Variants in ZNF182 observed in about 807,000 individuals in gnomAD.
ZNF182 encodes the protein zinc finger protein 21 (KOX 14).
A neutral mutation model predicts 28.1 loss-of-function variants in ZNF182; 10 were observed. The observed-to-expected ratio is 0.36, with a 90% CI of 0.22 to 0.60. The LOEUF (loss-of-function observed/expected upper bound fraction) is 0.60, where lower values mean the gene tolerates loss of function less well. Among genes scored for constraint, ZNF182 ranks in the 20% least tolerant of loss-of-function variants. ZNF182 has a pLI of 0.75. For missense variants in ZNF182, 352 were observed against 453.2 expected, an observed-to-expected ratio of 0.78 and a Z score of 2.03; for synonymous variants, 156 against 158.7, an observed-to-expected ratio of 0.98 and a Z score of 0.13.
rs148876115 is a variant in ZNF182 at position 47,987,357 on chromosome X, T to C, written c.16-3946A>G. Reference sequence around the variant, plus strand: ...AGGCTAAAAGTAAAGGGATAGGCAATGGTCGACCAGACAAATAAATGGAAA... The same window carrying C: ...AGGCTAAAAGTAAAGGGATAGGCAACGGTCGACCAGACAAATAAATGGAAA... On this transcript the variant is annotated intron_variant, in intron 3 of 5. Coordinates refer to ENST00000376943, the MANE Select transcript of ZNF182 (RefSeq NM_001007088.2). Among the ~76,000 whole-genome samples the C allele has an allele frequency of 4.9e-3, 553 of 112,107 alleles. 2 individuals carry two copies. The highest frequency in any genetic ancestry group is 0.023 in the Middle Eastern group (5 of 218).
chrX:48,000,008 T>C (rs926955202), intron 3 of ZNF182, among the ~76,000 whole-genome samples: 2 of 109,864 alleles, frequency 1.8e-5, no homozygotes, highest in Non-Finnish European at 3.8e-5. Flanking sequence ...TGGTGGCACA[T>C]GCCTGTAGTC....
intron 5 of ZNF182, among the ~76,000 whole-genome samples, chrX:47,978,477 C>T (rs1556898661): frequency 8.9e-6 from 1 of 112,279 alleles, no homozygotes; most frequent in Non-Finnish European, 1.9e-5. Context: ...ACACTGAATC[C>T]ACATTCTCAA....
At chrX:47,985,871 C>A (rs782749172) in intron 3 of ZNF182, among the ~76,000 whole-genome samples, 1 of 111,512 alleles carries the variant, frequency 9.0e-6, no homozygotes, top group African/African-American at 3.3e-5. Flanking sequence ...AAGACTGCCA[C>A]CTGGCTACTT....
chrX:48,000,018 C>T (rs1308107571), intron 3 of ZNF182, among the ~76,000 whole-genome samples: 2 of 109,848 alleles, frequency 1.8e-5, no homozygotes, highest in Non-Finnish European at 3.8e-5. Flanking sequence ...TGCCTGTAGT[C>T]CCAGCTACTC....
chrX:47,989,533 T>C (rs1016255970), intron 3 of ZNF182, among the ~76,000 whole-genome samples: 4 of 108,533 alleles, frequency 3.7e-5, no homozygotes, highest in African/African-American at 1.4e-4. Context: ...AATCAAACCA[T>C]GAGGAATCTA....
At position 47,976,348 on chromosome X, in the gene ZNF182, C is replaced by G; in HGVS notation, c.1682G>C (p.Arg561Pro). The G allele has an allele frequency of 8.3e-7, 1 of 1,207,090 alleles. No homozygotes were observed. Among genetic ancestry groups the G allele is most frequent in the Non-Finnish European group, 1.1e-6 (1 of 893,702 alleles). Residue 561 changes from arginine to proline, a missense_variant, in exon 6 of 6, where the codon CGA (arginine) becomes CCA (proline). Arg to Pro is a moderately radical substitution (Grantham distance 103). Transcript: ENST00000376943. ...ATGTACAGTGAATGTTGACTTTTCT[C>G]GGAAGGCTTTGCCACACTCAGTGCA... Reference protein sequence around the residue: ...YACTECGKAFREKSTFTVHQR... With the variant: ...YACTECGKAFPEKSTFTVHQR...
intron 3 of ZNF182, among the ~76,000 whole-genome samples, chrX:47,986,070 A>G (rs73632372): frequency 0.01 from 1,143 of 112,145 alleles, 12 homozygotes; most frequent in African/African-American, 0.035. Flanking sequence ...ATTAAAGTCA[A>G]TGGGAAACTA....
At chrX:47,982,634 A>T (rs1295559350) in intron 5 of ZNF182, among the ~76,000 whole-genome samples, 2 of 111,734 alleles carry the variant, frequency 1.8e-5, no homozygotes, top group Non-Finnish European at 3.8e-5. Flanking sequence ...GCTTTATATA[A>T]GTCGGTGACA....
intron 3 of ZNF182, among the ~76,000 whole-genome samples, chrX:47,990,725 T>C (rs782478913): frequency 8.9e-6 from 1 of 112,107 alleles, no homozygotes; most frequent in East Asian, 2.8e-4. Flanking sequence ...AAAACACTGA[T>C]AATATATGCT....
chrX:47,987,721 T>C (rs2058927724), intron 3 of ZNF182, among the ~76,000 whole-genome samples: 1 of 112,007 alleles, frequency 8.9e-6, no homozygotes, highest in Non-Finnish European at 1.9e-5. Flanking sequence ...GATATATATG[T>C]ACATACACAC....
At chrX:47,998,934 G>C (rs1362307549) in intron 3 of ZNF182, among the ~76,000 whole-genome samples, 1 of 111,363 alleles carries the variant, frequency 9.0e-6, no homozygotes, top group Non-Finnish European at 1.9e-5. Flanking sequence ...TCTGAAATTA[G>C]GATGTCAAGG....
Position 47,976,163 on chromosome X carries a change from CTCT to C in ZNF182, c.*1_*3del. On this transcript the variant is annotated 3_prime_UTR_variant, in exon 6 of 6. Coordinates refer to ENST00000376943, the MANE Select transcript of ZNF182 (RefSeq NM_001007088.2). ...GTCCATAATAGATACTGCTGATTAG[CTCT>C]CTAATGTGCCATGAACTTTGACTTC... 8.8e-7 allele frequency: 1 copy of C among 1,140,648 alleles called. No individual in the cohort carries two copies. Among genetic ancestry groups the C allele is most frequent in the Non-Finnish European group, 1.2e-6 (1 of 863,460 alleles). 94.0% of individuals were successfully genotyped at this position (1,140,648 alleles called of 1,213,427 possible).
At chrX:48,003,786 T>A (rs782255180) in intron 1 of ZNF182, 84 bp from the exon 2 acceptor site, 2 of 110,958 alleles carry the variant, frequency 1.8e-5, no homozygotes, top group African/African-American at 6.6e-5. Flanking sequence ...AGTGAGCCCC[T>A]AGAACCTCGT....
At chrX:47,995,882 G>A (rs1556901023) in intron 3 of ZNF182, among the ~76,000 whole-genome samples, 1 of 112,560 alleles carries the variant, frequency 8.9e-6, no homozygotes, top group East Asian at 2.8e-4. Context: ...GAAAACAACA[G>A]TCCACTGAAA....
intron 3 of ZNF182, among the ~76,000 whole-genome samples, chrX:47,996,999 G>A (rs1208110824): frequency 1.8e-5 from 2 of 111,743 alleles, no homozygotes; most frequent in Non-Finnish European, 3.8e-5. Context: ...ATGGCAGCCC[G>A]AGCAGACTAA....
chrX:47,988,278 C>T (rs1384053484), intron 3 of ZNF182, among the ~76,000 whole-genome samples: 1 of 110,357 alleles, frequency 9.1e-6, no homozygotes, highest in Non-Finnish European at 1.9e-5. Context: ...GATCACGCCA[C>T]TGCACTCCAG....
In ZNF182 at chrX:48,001,634, C is replaced by T. The variant is rs1180528261; in HGVS notation, c.15+961G>A. ...GATCATATCAATGTCAACATCCTGACTTTGATATTGTACTATGGTTTTTGC... is the reference window on the plus strand; with the variant it reads ...GATCATATCAATGTCAACATCCTGATTTTGATATTGTACTATGGTTTTTGC... On this transcript the variant is annotated intron_variant, in intron 3 of 5. Coordinates refer to ENST00000376943, the MANE Select transcript of ZNF182 (RefSeq NM_001007088.2). 3.6e-5 allele frequency among the ~76,000 whole-genome samples: 4 copies of T among 111,630 alleles called. 1 individual carries two copies. In the Admixed American group the frequency reaches 3.8e-4, roughly 11 times the overall value.
At chrX:47,981,251 C>G (rs500561) in intron 5 of ZNF182, among the ~76,000 whole-genome samples, 1 of 110,521 alleles carries the variant, frequency 9.0e-6, no homozygotes, top group Non-Finnish European at 1.9e-5. Context: ...AGGTCAGAGG[C>G]AGGAAATATA....
intron 3 of ZNF182, among the ~76,000 whole-genome samples, chrX:47,995,312 A>T (rs1295376917): frequency 1.8e-5 from 2 of 111,551 alleles, no homozygotes; most frequent in African/African-American, 6.5e-5. Flanking sequence ...AGCCTGGGCG[A>T]CAGAGCGAGA....
Sources: allele counts gnomAD v4.1 joint callset (sites outside exome capture counted in the v4.1 genomes callset), GRCh38; gene constraint gnomAD v4.1.1; transcripts MANE v1.5; gene names NCBI Gene and HGNC (gene_info 2026-07-23, HGNC 2026-07-21).